Variants in LRRC4C observed in about 807,000 individuals in gnomAD.
The protein encoded by LRRC4C is leucine-rich repeat-containing protein 4C.
Under a neutral mutation model 33.6 loss-of-function variants are expected in LRRC4C, and 5 were observed. The observed-to-expected ratio is 0.15, with a 90% CI of 0.08 to 0.31. LRRC4C has a LOEUF of 0.31. LRRC4C is among the 10% of genes least tolerant of loss of function. The pLI, the probability that LRRC4C is intolerant of heterozygous loss-of-function variation, is 1.00. For synonymous variants in LRRC4C, 329 were observed against 302.0 expected (o/e 1.09, Z -0.93); for missense variants, 560 against 796.7 (o/e 0.70, Z 3.58).
At chr11:41,075,037 A>ATTT (rs1565359554) in intron 1 of LRRC4C, among the ~76,000 whole-genome samples, 2 of 29,424 alleles carry the variant, frequency 6.8e-5, no homozygotes, top group Admixed American at 4.1e-4. Flanking sequence ...TTTTTTTTTT[A>ATTT]TTTTTAATGT....
intron 4 of LRRC4C, among the ~76,000 whole-genome samples, chr11:40,254,021 CT>C (rs1867002801): frequency 6.6e-6 from 1 of 152,046 alleles, no homozygotes; most frequent in African/African-American, 2.4e-5. Flanking sequence ...TTCTGTAGAT[CT>C]TATATTTAAA....
intron 3 of LRRC4C, among the ~76,000 whole-genome samples, chr11:40,574,296 C>T (rs1275483179): frequency 6.6e-6 from 1 of 152,112 alleles, no homozygotes; most frequent in African/African-American, 2.4e-5. Flanking sequence ...TATTGGCCAG[C>T]CAGGACAATG....
Position 41,234,566 on chromosome 11 carries a change from T to C in LRRC4C, c.-496+224865A>G, listed in dbSNP as rs189637704. Among the ~76,000 whole-genome samples the C allele has an allele frequency of 3.0e-3, 456 of 152,134 alleles. 5 individuals are homozygous for C. Among genetic ancestry groups the C allele is most frequent in the Non-Finnish European group, 2.2e-3 (147 of 67,952 alleles). On this transcript the variant is annotated intron_variant, in intron 1 of 6. Transcript: ENST00000528697. ...AATGAATTTCAGGTAAAATAAACGA[T>C]GAAAAGTAGTTAGAACATTAATATC...
At chr11:40,515,450 C>T (rs904266769) in intron 3 of LRRC4C, among the ~76,000 whole-genome samples, 11 of 152,028 alleles carry the variant, frequency 7.2e-5, no homozygotes, top group South Asian at 6.2e-4. Context: ...TCTAATCTTA[C>T]TTAAAAACTT....
chr11:40,757,939 T>C (rs1474639399), intron 2 of LRRC4C, among the ~76,000 whole-genome samples: 1 of 152,090 alleles, frequency 6.6e-6, no homozygotes, highest in Non-Finnish European at 1.5e-5. Flanking sequence ...TGTTATTTTA[T>C]ACATCTGAAA....
chr11:41,025,982 C>T (rs375086549), intron 1 of LRRC4C, among the ~76,000 whole-genome samples: 37 of 151,768 alleles, frequency 2.4e-4, no homozygotes, highest in African/African-American at 8.9e-4. Flanking sequence ...GACAATGTCC[C>T]TGGTCACCCA....
At chr11:41,381,636 A>G (rs983950165) in intron 1 of LRRC4C, among the ~76,000 whole-genome samples, 1 of 148,580 alleles carries the variant, frequency 6.7e-6, no homozygotes, top group African/African-American at 2.6e-5. Context: ...CAAAAAAAAA[A>G]AAAGAAAAAA....
chr11:40,911,676 A>G (rs866668127), intron 2 of LRRC4C, among the ~76,000 whole-genome samples: 104 of 152,368 alleles, frequency 6.8e-4, no homozygotes, highest in Middle Eastern at 3.4e-3. Context: ...CTCACCAGCA[A>G]TGGAACAAAG....
At chr11:40,455,803 A>G (rs4756590) in intron 3 of LRRC4C, among the ~76,000 whole-genome samples, 59,008 of 151,924 alleles carry the variant, frequency 0.39, 11,789 homozygotes, top group East Asian at 0.52. Context: ...AATAGATAGC[A>G]CAGAACTGTA....
At position 40,241,608 on chromosome 11, in the gene LRRC4C, G is replaced by T. The variant is rs572065248; in HGVS notation, c.-175-10C>A. The T allele has an allele frequency of 2.4e-4, 36 of 152,204 alleles. No homozygotes were observed. The highest frequency in any genetic ancestry group is 8.2e-4 in the African/African-American group (34 of 41,538). The allele number at this position is 152,204 out of a possible 1,614,324, so 9.4% of individuals were successfully genotyped here. A position where few individuals can be genotyped will look rare whatever the true frequency, so the allele number is the denominator to read the frequency against. ...CTCTCAGTTTCTTGCTCTGCAAAAT[G>T]AGGTGATTGAAACTAGATGATGTAA... On this transcript the variant is annotated splice_polypyrimidine_tract_variant and intron_variant, in intron 4 of 6. Transcript: ENST00000528697.
intron 1 of LRRC4C, among the ~76,000 whole-genome samples, chr11:41,228,537 T>C (rs1947644305): frequency 1.3e-5 from 2 of 152,144 alleles, no homozygotes; most frequent in Admixed American, 6.6e-5. Flanking sequence ...TTGCTTTCAA[T>C]ATGTTTTCTG....
intron 2 of LRRC4C, among the ~76,000 whole-genome samples, chr11:40,768,269 A>G (rs1949576083): frequency 6.6e-6 from 1 of 152,094 alleles, no homozygotes; most frequent in African/African-American, 2.4e-5. Context: ...AACCACAAAG[A>G]AATCTAGAAC....
chr11:41,435,735 C>T (rs917732703), intron 1 of LRRC4C, among the ~76,000 whole-genome samples: 1 of 152,160 alleles, frequency 6.6e-6, no homozygotes, highest in African/African-American at 2.4e-5. Flanking sequence ...AAGTGGGTTT[C>T]ATATAGCACT....
At chr11:40,804,879 T>C (rs547416050) in intron 2 of LRRC4C, among the ~76,000 whole-genome samples, 10 of 152,294 alleles carry the variant, frequency 6.6e-5, no homozygotes, top group Admixed American at 5.2e-4. Flanking sequence ...CTTAAAGTAA[T>C]CCATAAAAAG....
intron 3 of LRRC4C, among the ~76,000 whole-genome samples, chr11:40,540,895 T>C (rs969375056): frequency 3.9e-5 from 6 of 152,278 alleles, no homozygotes; most frequent in African/African-American, 1.4e-4. Flanking sequence ...AAATTTAACA[T>C]GTCAACAGTG....
intron 2 of LRRC4C, among the ~76,000 whole-genome samples, chr11:40,728,649 T>G (rs546290239): frequency 8.0e-6 from 1 of 125,588 alleles, no homozygotes; most frequent in Admixed American, 7.6e-5. Flanking sequence ...AAAAAAAAAA[T>G]TCATGTTATC....
chr11:40,615,265 T>TATATACAC (rs1490740198), intron 3 of LRRC4C, among the ~76,000 whole-genome samples: 48 of 53,428 alleles, frequency 9.0e-4, no homozygotes, highest in African/African-American at 1.7e-3. Flanking sequence ...TATATATATA[T>TATATACAC]ACACACACAC....
chr11:41,021,756 A>C (rs1855999662), intron 1 of LRRC4C, among the ~76,000 whole-genome samples: 1 of 152,016 alleles, frequency 6.6e-6, no homozygotes, highest in Non-Finnish European at 1.5e-5. Flanking sequence ...TCTCTATGTG[A>C]CTAACCTCAG....
chr11:40,276,414 T>C (rs1173566942), intron 4 of LRRC4C, among the ~76,000 whole-genome samples: 1 of 152,138 alleles, frequency 6.6e-6, no homozygotes, highest in Non-Finnish European at 1.5e-5. Flanking sequence ...GATTTAGGGA[T>C]AAGAAGGCAC....
Sources: allele counts gnomAD v4.1 joint callset (sites outside exome capture counted in the v4.1 genomes callset), GRCh38; gene constraint gnomAD v4.1.1; transcripts MANE v1.5; gene names NCBI Gene and HGNC (gene_info 2026-07-23, HGNC 2026-07-21).